The following PLXDC2 variants were observed in gnomAD, a reference collection of about 807,000 sequenced individuals.
PLXDC2 encodes the protein plexin domain containing 2.
In PLXDC2, 40 loss-of-function variants were observed where a neutral mutation model predicts 68.9. The ratio of observed to expected loss-of-function variants is 0.58; its 90% confidence interval spans 0.45 to 0.76. PLXDC2 has a LOEUF of 0.76. PLXDC2 is among the 30% of genes least tolerant of loss of function. The probability of loss-of-function intolerance (pLI) is 0.00; values close to 1 mark genes in which losing one functional copy is unlikely to be tolerated. For missense variants in PLXDC2, 644 were observed against 661.9 expected (o/e 0.97, Z 0.30); for synonymous variants, 243 against 234.2 (o/e 1.04, Z -0.34).
intron 10 of PLXDC2, among the ~76,000 whole-genome samples, 200 bp from the exon 11 acceptor site, chr10:20,217,226 T>C (rs1835149615): frequency 6.6e-6 from 1 of 152,192 alleles, no homozygotes; most frequent in Non-Finnish European, 1.5e-5. Flanking sequence ...AAATGCCTTG[T>C]TCCATCCATC....
chr10:19,867,206 T>C (rs1179044340), intron 1 of PLXDC2, among the ~76,000 whole-genome samples: 3 of 151,866 alleles, frequency 2.0e-5, no homozygotes, highest in Non-Finnish European at 4.4e-5. Flanking sequence ...TCTGGGATTA[T>C]AGGTATCCAC....
chr10:19,961,532 G>A (rs1042999713), intron 1 of PLXDC2, among the ~76,000 whole-genome samples: 7 of 152,204 alleles, frequency 4.6e-5, no homozygotes, highest in Admixed American at 2.6e-4. Context: ...AGCAGGAATC[G>A]TTGTCTTATG....
chr10:19,897,467 A>T (rs1419604803), intron 1 of PLXDC2, among the ~76,000 whole-genome samples: 1 of 151,382 alleles, frequency 6.6e-6, no homozygotes, highest in Non-Finnish European at 1.5e-5. Flanking sequence ...CTGGTCTCGA[A>T]CTCCCAACCT....
intron 1 of PLXDC2, among the ~76,000 whole-genome samples, chr10:19,875,846 C>G (rs996425040): frequency 6.6e-6 from 1 of 152,106 alleles, no homozygotes; most frequent in Non-Finnish European, 1.5e-5. Flanking sequence ...TCCTCTCTCT[C>G]TAGTTCAATG....
At chr10:20,146,640 G>A (rs1355898034) in intron 5 of PLXDC2, among the ~76,000 whole-genome samples, 1 of 150,130 alleles carries the variant, frequency 6.7e-6, no homozygotes, top group Non-Finnish European at 1.5e-5. Flanking sequence ...CCAAGGTCAA[G>A]TTAAAAAACT....
intron 13 of PLXDC2, among the ~76,000 whole-genome samples, chr10:20,250,224 C>T (rs1482846575): frequency 6.8e-6 from 1 of 148,050 alleles, no homozygotes; most frequent in Non-Finnish European, 1.5e-5. Context: ...GCCAAGATCA[C>T]ACCACTGCAC....
intron 7 of PLXDC2, 139 bp downstream of exon 7, chr10:20,164,706 T>G (rs939522781): frequency 1.4e-6 from 1 of 712,730 alleles, no homozygotes; most frequent in African/African-American, 1.8e-5. Context: ...AATTCTGTTG[T>G]TTGCTTTATA....
chr10:20,096,751 A>G (rs1833354602), intron 4 of PLXDC2, among the ~76,000 whole-genome samples: 1 of 152,146 alleles, frequency 6.6e-6, no homozygotes, highest in Non-Finnish European at 1.5e-5. Context: ...TTACTGAGAT[A>G]TATTTTGTTT....
intron 6 of PLXDC2, among the ~76,000 whole-genome samples, chr10:20,159,531 T>C (rs557864657): frequency 6.6e-6 from 1 of 152,246 alleles, no homozygotes; most frequent in South Asian, 2.1e-4. Context: ...CCGTTGTCCT[T>C]CTACAGTCTT....
chr10:20,211,727 G>A lies in PLXDC2; in HGVS notation c.1120G>A (p.Glu374Lys). The change falls in exon 10 of 14, where the codon GAG becomes AAG. Residue 374 changes from glutamate (E) to lysine (K), a missense_variant and splice_region_variant. This residue lies in a region of PLXDC2 where 330 missense variants were observed against 327.9 expected (regional missense o/e 1.01). Transcript: ENST00000377252. ...CTGGGTGGACAGTGGATGCCCTGAA[G>A]AGGTACACATGCTTTATTGTGACAG... is the stretch of plus-strand genomic sequence containing the variant. Reference protein sequence around the residue: ...QDWVDSGCPEESKEKMCENTE... With the variant: ...QDWVDSGCPEKSKEKMCENTE... 1.9e-6 allele frequency: 3 copies of A among 1,612,824 alleles called. No homozygotes were observed. Among genetic ancestry groups the A allele is most frequent in the South Asian group, 1.1e-5 (1 of 91,036 alleles).
chr10:20,160,903 T>G (rs1834282154), intron 6 of PLXDC2, among the ~76,000 whole-genome samples: 1 of 152,108 alleles, frequency 6.6e-6, no homozygotes, highest in Non-Finnish European at 1.5e-5. Context: ...GCAGGAGTAT[T>G]GCTTAAGCCC....
chr10:20,261,857 AT>A (rs1554779576), intron 13 of PLXDC2, among the ~76,000 whole-genome samples: 1 of 26,950 alleles, frequency 3.7e-5, no homozygotes, highest in Non-Finnish European at 1.5e-4. Context: ...TCCATCTCAA[AT>A]AATAATAATA....
chr10:20,276,268 C>G (rs1016510301), intron 13 of PLXDC2, among the ~76,000 whole-genome samples: 3 of 152,162 alleles, frequency 2.0e-5, no homozygotes, highest in African/African-American at 4.8e-5. Context: ...CTGTGTTGCT[C>G]TCTGAACTGG....
chr10:20,242,510 T>A (rs745938820), intron 12 of PLXDC2, among the ~76,000 whole-genome samples: 1 of 152,222 alleles, frequency 6.6e-6, no homozygotes, highest in Non-Finnish European at 1.5e-5. Context: ...TGAGGTCATT[T>A]ATTATAGCCT....
intron 10 of PLXDC2, among the ~76,000 whole-genome samples, chr10:20,212,910 T>G (rs565020229): frequency 6.6e-6 from 1 of 152,240 alleles, no homozygotes; most frequent in Admixed American, 6.5e-5. Context: ...ATCAGTTACC[T>G]CAATATAAAA....
rs562909766 is a variant in PLXDC2 at position 20,271,380 on chromosome 10, G to A, written c.1474-8323G>A. ...TTTGTACCATGAAGGCAATTGATGG[G>A]GCCAGACATTTCAGAGAGATATAGT... On this transcript the variant is annotated intron_variant, in intron 13 of 13. Coordinates refer to ENST00000377252, the MANE Select transcript of PLXDC2 (RefSeq NM_032812.9). Among the ~76,000 whole-genome samples, 8 of 152,180 alleles carry A rather than the reference G, an allele frequency of 5.3e-5. No homozygotes were observed. In the South Asian group the frequency reaches 1.2e-3, roughly 24 times the overall value.
At chr10:19,973,303 T>C (rs1241924046) in intron 1 of PLXDC2, among the ~76,000 whole-genome samples, 1 of 48,144 alleles carries the variant, frequency 2.1e-5, no homozygotes, top group Non-Finnish European at 4.6e-5. Context: ...TATGTATATA[T>C]ATATACTCAC....
chr10:19,817,331 T>C (rs1589481226), intron 1 of PLXDC2, 140 bp downstream of exon 1: 2 of 718,720 alleles, frequency 2.8e-6, no homozygotes, highest in East Asian at 2.7e-5. Flanking sequence ...CGGCTAAACT[T>C]AGGCTTCCCA....
rs566400207 is a variant in PLXDC2 at position 20,089,799 on chromosome 10, A to G, written c.541+21560A>G. 3.5e-4 allele frequency among the ~76,000 whole-genome samples: 54 copies of G among 152,362 alleles called. 1 individual carries two copies. In the South Asian group the frequency reaches 0.01, roughly 29 times the overall value. On this transcript the variant is annotated intron_variant, in intron 4 of 13. Coordinates refer to ENST00000377252, the MANE Select transcript of PLXDC2 (RefSeq NM_032812.9). Reference sequence around the variant, plus strand: ...TGCTAGTTCACTGCAGGTAAAAGAGAGCCCAAGAGAGAATAATAATTAACT... The same window carrying G: ...TGCTAGTTCACTGCAGGTAAAAGAGGGCCCAAGAGAGAATAATAATTAACT...
Sources: allele counts gnomAD v4.1 joint callset (sites outside exome capture counted in the v4.1 genomes callset), GRCh38; gene constraint gnomAD v4.1.1; regional missense constraint gnomAD v4.1.1; transcripts MANE v1.5; gene names NCBI Gene and HGNC (gene_info 2026-07-23, HGNC 2026-07-21).